RBFOX1: variants seen among roughly 807,000 people sequenced by gnomAD.
RBFOX1 encodes the protein RNA binding protein fox-1 homolog 1.
In RBFOX1, 8 loss-of-function variants were observed where a neutral mutation model predicts 57.7. The observed-to-expected ratio is 0.14, with a 90% CI of 0.08 to 0.25. RBFOX1 has a LOEUF of 0.25. Ranked by LOEUF, RBFOX1 falls within the 10% of genes least tolerant of loss-of-function variation. The probability of loss-of-function intolerance (pLI) is 1.00; values close to 1 mark genes in which losing one functional copy is unlikely to be tolerated. For missense variants in RBFOX1, 611 were observed against 548.5 expected (o/e 1.11, Z -1.14); for synonymous variants, 326 against 222.4 (o/e 1.47, Z -4.15).
At chr16:5,898,399 G>C (rs1034094759) in intron 4 of RBFOX1, among the ~76,000 whole-genome samples, 7 of 152,170 alleles carry the variant, frequency 4.6e-5, no homozygotes, top group African/African-American at 1.7e-4. Flanking sequence ...AGAAGATCTG[G>C]TGGGCCTCTT....
At chr16:6,782,413 C>T (rs533612269) in intron 3 of RBFOX1, among the ~76,000 whole-genome samples, 2 of 152,228 alleles carry the variant, frequency 1.3e-5, no homozygotes, top group South Asian at 2.1e-4. Flanking sequence ...AGTAGTTATT[C>T]AGGAGCATGT....
At chr16:6,948,497 C>G (rs1328681759) in intron 3 of RBFOX1, among the ~76,000 whole-genome samples, 2 of 149,304 alleles carry the variant, frequency 1.3e-5, no homozygotes, top group Admixed American at 6.7e-5. Context: ...ATTCTCCTGC[C>G]TCAGCCTCCC....
intron 3 of RBFOX1, among the ~76,000 whole-genome samples, chr16:6,761,723 T>G (rs1279768356): frequency 1.3e-5 from 2 of 151,686 alleles, no homozygotes; most frequent in African/African-American, 2.4e-5. Flanking sequence ...GCCAGGCTGG[T>G]CTTGAATTCC....
intron 2 of RBFOX1, among the ~76,000 whole-genome samples, chr16:5,541,372 A>C (rs1227016378): frequency 2.6e-5 from 4 of 152,080 alleles, no homozygotes; most frequent in Admixed American, 6.6e-5. Context: ...GGTCTTCATG[A>C]CATGTGCCCA....
In RBFOX1 at chr16:6,988,319, A is replaced by G. The variant is rs547176941; in HGVS notation, c.-15-63738A>G. ...GTGTAGTCTATTGGAGTTTCCTGTG[A>G]TGATGAAAGTGTTTATAATCTTACT... On this transcript the variant is annotated intron_variant, in intron 3 of 15. Coordinates refer to ENST00000550418, the MANE Select transcript of RBFOX1 (RefSeq NM_018723.4). Among the ~76,000 whole-genome samples the G allele has an allele frequency of 1.2e-4, 19 of 152,230 alleles. No individual in the cohort carries two copies. In the South Asian group the frequency reaches 2.1e-3, roughly 17 times the overall value.
At chr16:5,376,534 G>C (rs914415178) in intron 1 of RBFOX1, among the ~76,000 whole-genome samples, 1 of 152,196 alleles carries the variant, frequency 6.6e-6, no homozygotes, top group Non-Finnish European at 1.5e-5. Flanking sequence ...AGTCGGGAAA[G>C]GCAGCAGAGG....
chr16:6,749,274 A>C (rs2074424343), intron 3 of RBFOX1, among the ~76,000 whole-genome samples: 1 of 152,142 alleles, frequency 6.6e-6, no homozygotes, highest in South Asian at 2.1e-4. Context: ...TTGGTACAGA[A>C]AGTCAGTAAT....
intron 3 of RBFOX1, among the ~76,000 whole-genome samples, chr16:6,786,812 G>C (rs1292415713): frequency 6.6e-6 from 1 of 152,100 alleles, no homozygotes; most frequent in Non-Finnish European, 1.5e-5. Context: ...GAGGGTCATG[G>C]TCACAATTGA....
intron 4 of RBFOX1, among the ~76,000 whole-genome samples, chr16:7,120,698 A>G (rs1272647570): frequency 2.0e-5 from 3 of 150,828 alleles, no homozygotes; most frequent in African/African-American, 7.3e-5. Flanking sequence ...TGTTGGGAAA[A>G]AAAAAAAAAA....
intron 4 of RBFOX1, among the ~76,000 whole-genome samples, chr16:7,233,604 C>T (rs753444817): frequency 6.6e-6 from 1 of 152,164 alleles, no homozygotes; most frequent in Non-Finnish European, 1.5e-5. Context: ...CTGGGGAATA[C>T]ATGTATAGTT....
At chr16:5,665,174 C>G (rs966505849) in intron 3 of RBFOX1, among the ~76,000 whole-genome samples, 5 of 148,996 alleles carry the variant, frequency 3.4e-5, no homozygotes, top group African/African-American at 1.3e-4. Flanking sequence ...TGGCCTCGAA[C>G]TCCTGGGCTC....
chr16:7,678,615 C>T (rs1205863205), intron 14 of RBFOX1, among the ~76,000 whole-genome samples: 1 of 151,646 alleles, frequency 6.6e-6, no homozygotes, highest in Non-Finnish European at 1.5e-5. Flanking sequence ...GCATCTATCC[C>T]CAAGTTGAAA....
chr16:6,688,398 G>A (rs1603421750), intron 3 of RBFOX1, among the ~76,000 whole-genome samples: 1 of 152,070 alleles, frequency 6.6e-6, no homozygotes, highest in African/African-American at 2.4e-5. Flanking sequence ...ATTACAATTG[G>A]GCATGTGATT....
intron 3 of RBFOX1, among the ~76,000 whole-genome samples, chr16:5,626,331 C>T (rs1013190045): frequency 9.9e-5 from 15 of 152,206 alleles, no homozygotes; most frequent in African/African-American, 3.4e-4. Context: ...CTCCCTGTGT[C>T]TTCATGTAGG....
chr16:7,129,320 T>G (rs2151944799), intron 4 of RBFOX1, among the ~76,000 whole-genome samples: 1 of 152,200 alleles, frequency 6.6e-6, no homozygotes, highest in South Asian at 2.1e-4. Flanking sequence ...TAGATTTGGG[T>G]CCTGTCTTCA....
intron 1 of RBFOX1, among the ~76,000 whole-genome samples, chr16:6,195,651 G>T (rs1313097678): frequency 6.6e-6 from 1 of 152,016 alleles, no homozygotes; most frequent in East Asian, 1.9e-4. Flanking sequence ...CCCGGGTGGT[G>T]GAGGTTGCAG....
At chr16:6,800,337 G>T (rs766575655) in intron 3 of RBFOX1, among the ~76,000 whole-genome samples, 5 of 152,138 alleles carry the variant, frequency 3.3e-5, no homozygotes, top group Non-Finnish European at 7.4e-5. Flanking sequence ...AAAAGTCAGG[G>T]CTACCTATTT....
At chr16:6,551,309 G>A (rs1244515684) in intron 2 of RBFOX1, among the ~76,000 whole-genome samples, 1 of 152,148 alleles carries the variant, frequency 6.6e-6, no homozygotes, top group African/African-American at 2.4e-5. Context: ...CTACTGGGAT[G>A]GTCTAGTCTG....
intron 1 of RBFOX1, among the ~76,000 whole-genome samples, chr16:5,402,151 C>T (rs1361915648): frequency 6.6e-6 from 1 of 152,026 alleles, no homozygotes; most frequent in African/African-American, 2.4e-5. Context: ...AGACCAGGAG[C>T]GGGAAGAGGA....
Sources: gnomAD v4.1 joint callset for allele counts (sites outside exome capture counted in the v4.1 genomes callset) on GRCh38, gnomAD v4.1.1 for gene constraint, MANE v1.5 for transcripts, NCBI Gene and HGNC (gene_info 2026-07-23, HGNC 2026-07-21) for gene names.